RPN1: variants seen among roughly 807,000 people sequenced by gnomAD.
The protein encoded by RPN1 is dolichyl-diphosphooligosaccharide--protein glycosyltransferase subunit 1.
RPN1 carries 12 observed loss-of-function variants against 55.5 expected under a neutral mutation model. The ratio of observed to expected loss-of-function variants is 0.22; its 90% CI spans 0.14 to 0.35. The LOEUF is 0.35. Ranked by LOEUF, RPN1 falls within the 10% of genes least tolerant of loss-of-function variation. The probability of loss-of-function intolerance (pLI) is 1.00; values close to 1 mark genes in which losing one functional copy is unlikely to be tolerated. For synonymous variants in RPN1, 317 were observed against 305.9 expected (o/e 1.04, Z -0.38); for missense variants, 679 against 761.3 (o/e 0.89, Z 1.27).
intron 8 of RPN1, among the ~76,000 whole-genome samples, chr3:128,625,095 T>C (rs754702434): frequency 1.3e-5 from 2 of 152,000 alleles, no homozygotes; most frequent in Non-Finnish European, 2.9e-5. Context: ...ACGGAGCCTG[T>C]CAGGGAGCAG....
At chr3:128,634,983 GAAGT>G (rs1049693510) in intron 3 of RPN1, among the ~76,000 whole-genome samples, 6 of 152,290 alleles carry the variant, frequency 3.9e-5, no homozygotes, top group African/African-American at 1.4e-4. Context: ...CACTCAGTTT[GAAGT>G]AAGTAAAAGA....
At chr3:128,635,348 C>T (rs1042882206) in intron 3 of RPN1, among the ~76,000 whole-genome samples, 2 of 151,424 alleles carry the variant, frequency 1.3e-5, no homozygotes, top group East Asian at 1.9e-4. Flanking sequence ...GTTGCCCAGG[C>T]TGGAGTGCAG....
At chr3:128,623,762 A>G (rs1401461713) in intron 8 of RPN1, among the ~76,000 whole-genome samples, 1 of 152,122 alleles carries the variant, frequency 6.6e-6, no homozygotes, top group African/African-American at 2.4e-5. Flanking sequence ...GGACAATTAC[A>G]TTACCCATTC....
At chr3:128,642,793 G>T (rs962570305) in intron 2 of RPN1, among the ~76,000 whole-genome samples, 2 of 151,972 alleles carry the variant, frequency 1.3e-5, no homozygotes, top group African/African-American at 4.8e-5. Flanking sequence ...AGGCCGAGGC[G>T]GGTGCATCAC....
chr3:128,648,073 A>G (rs1255190916), intron 1 of RPN1, among the ~76,000 whole-genome samples: 1 of 152,110 alleles, frequency 6.6e-6, no homozygotes, highest in East Asian at 1.9e-4. Context: ...AGCCTGACCA[A>G]TATGATGAAA....
intron 2 of RPN1, among the ~76,000 whole-genome samples, chr3:128,638,550 GCTCACTGCAA>G (rs2107719119): frequency 6.6e-6 from 1 of 152,236 alleles, no homozygotes; most frequent in South Asian, 2.1e-4. Flanking sequence ...CATGATCTCA[GCTCACTGCAA>G]CTTCCACCTC....
Position 128,650,417 on chromosome 3 carries a change from C to T in RPN1, c.261+123G>A, listed in dbSNP as rs537351681. On this transcript the variant is annotated intron_variant, in intron 1 of 9. Transcript: ENST00000296255. Reference sequence around the variant, plus strand: ...GCAATCCCACGGACCCCCTGTGCCCCGCCCGCCGCCCGGGTCTCCGCATTT... The same window carrying T: ...GCAATCCCACGGACCCCCTGTGCCCTGCCCGCCGCCCGGGTCTCCGCATTT... The T allele has an allele frequency of 3.8e-6, 4 of 1,059,786 alleles. No homozygotes were observed. The African/African-American group carries it at 5.0e-5, about 13-fold the overall frequency. 65.6% of individuals were successfully genotyped at this position (1,059,786 alleles called of 1,614,324 possible).
intron 3 of RPN1, among the ~76,000 whole-genome samples, chr3:128,636,131 G>A (rs2069680310): frequency 6.6e-6 from 1 of 151,904 alleles, no homozygotes; most frequent in Non-Finnish European, 1.5e-5. Context: ...AACCCAAAAC[G>A]AACAGCCCTA....
rs200153058 is a variant in RPN1, at chr3:128,637,770, G to T, written c.633+29C>A. 377 of 1,600,100 alleles carry T rather than the reference G, an allele frequency of 2.4e-4. 1 individual carries two copies. The Middle Eastern group carries it at 2.7e-3, about 11-fold the overall frequency. On this transcript the variant is annotated intron_variant, in intron 3 of 9. Transcript: ENST00000296255. Reference sequence around the variant, plus strand: ...TGCAAGACATTCTCTGAAGCAGACAGGGATGGGCTGGACTCCACCTGAGCT... The same window carrying T: ...TGCAAGACATTCTCTGAAGCAGACATGGATGGGCTGGACTCCACCTGAGCT...
chr3:128,641,114 A>T (rs2811495), intron 2 of RPN1: 1 of 150,672 alleles, frequency 6.6e-6, no homozygotes, highest in Non-Finnish European at 1.5e-5. Flanking sequence ...TTTTTTTCCT[A>T]AAGCTCTTCT....
intron 6 of RPN1, 23 bp downstream of exon 6, chr3:128,626,710 A>G: frequency 6.2e-7 from 1 of 1,606,710 alleles, no homozygotes; most frequent in Non-Finnish European, 8.5e-7. Context: ...TCGGGTGCAA[A>G]GGAGAGGAAC....
intron 8 of RPN1, among the ~76,000 whole-genome samples, chr3:128,623,937 G>A (rs147297581): frequency 4.7e-3 from 709 of 152,060 alleles, no homozygotes; most frequent in African/African-American, 0.016. Context: ...CTATTCAAGG[G>A]TAAAGGGGCA....
At chr3:128,641,903 G>A (rs549390646) in intron 2 of RPN1, among the ~76,000 whole-genome samples, 12 of 152,008 alleles carry the variant, frequency 7.9e-5, no homozygotes, top group South Asian at 2.1e-4. Context: ...GAGCCACCAC[G>A]CCTGGCCAAT....
intron 5 of RPN1, among the ~76,000 whole-genome samples, chr3:128,629,431 G>A (rs1169772421): frequency 2.0e-5 from 3 of 151,828 alleles, no homozygotes; most frequent in Non-Finnish European, 4.4e-5. Context: ...GCGTGGTGGC[G>A]GGCACCTATA....
intron 2 of RPN1, among the ~76,000 whole-genome samples, chr3:128,641,311 T>G (rs141129845): frequency 1.3e-5 from 2 of 152,272 alleles, no homozygotes; most frequent in African/African-American, 4.8e-5. Flanking sequence ...AAAAAAAATT[T>G]TTTAATGTTC....
intron 2 of RPN1, among the ~76,000 whole-genome samples, chr3:128,644,031 G>C (rs2069748194): frequency 6.6e-6 from 1 of 152,194 alleles, no homozygotes; most frequent in Non-Finnish European, 1.5e-5. Flanking sequence ...AGCCTTCACA[G>C]TAGGCCTTCA....
intron 5 of RPN1, chr3:128,627,229 G>A (rs1464409114): frequency 8.8e-6 from 2 of 227,164 alleles, no homozygotes; most frequent in Admixed American, 9.9e-5. Flanking sequence ...TGAGTGAAAC[G>A]GGCCTGCAGA....
At chr3:128,628,317 G>C (rs1427510819) in intron 5 of RPN1, among the ~76,000 whole-genome samples, 2 of 151,394 alleles carry the variant, frequency 1.3e-5, no homozygotes, top group African/African-American at 4.9e-5. Flanking sequence ...GAAAAATTCA[G>C]AAAAATGATA....
chr3:128,634,353 G>A (rs899526407), intron 3 of RPN1, among the ~76,000 whole-genome samples: 2 of 151,410 alleles, frequency 1.3e-5, no homozygotes, highest in Admixed American at 1.3e-4. Context: ...GGTTGACAAA[G>A]GTAATGTAGT....
Sources: allele counts gnomAD v4.1 joint callset (sites outside exome capture counted in the v4.1 genomes callset), GRCh38; gene constraint gnomAD v4.1.1; transcripts MANE v1.5; gene names NCBI Gene and HGNC (gene_info 2026-07-23, HGNC 2026-07-21).